Variants in ZBTB46 observed in about 807,000 individuals in gnomAD.
ZBTB46 encodes the protein zinc finger and BTB domain-containing protein 46.
ZBTB46 carries 8 observed loss-of-function variants against 44.1 expected under a neutral mutation model. The observed-to-expected ratio is 0.18, with a 90% CI of 0.11 to 0.33. ZBTB46 has a LOEUF of 0.33. Among genes scored for constraint, ZBTB46 ranks in the 10% least tolerant of loss-of-function variants. The pLI is 1.00. For missense variants in ZBTB46, 651 were observed against 847.7 expected (o/e 0.77, Z 2.88); for synonymous variants, 409 against 382.3 (o/e 1.07, Z -0.81).
chr20:63,833,160 A>C (rs1445476331), upstream of ZBTB46, among the ~76,000 whole-genome samples: 1 of 152,174 alleles, frequency 6.6e-6, no homozygotes, highest in African/African-American at 2.4e-5. Context: ...AGGGATGGAG[A>C]GCAGCAGCAG....
intron 1 of ZBTB46, among the ~76,000 whole-genome samples, chr20:63,817,177 G>A (rs1253403227): frequency 6.6e-6 from 1 of 152,032 alleles, no homozygotes; most frequent in Admixed American, 6.6e-5. Context: ...CCCAACTCTT[G>A]GGGAGGCAGA....
At chr20:63,829,106 C>T (rs1309399806) in intron 1 of ZBTB46, among the ~76,000 whole-genome samples, 1 of 152,224 alleles carries the variant, frequency 6.6e-6, no homozygotes, top group Non-Finnish European at 1.5e-5. Flanking sequence ...GCAGTTTCAC[C>T]GTTCACAGGG....
rs766676908 is a variant in ZBTB46 at position 63,829,407 on chromosome 20, C to CTGAA, written c.-34+1686_-34+1689dup. ...ATTAAATGCTTGTCCCCAGGCTGGC[C>CTGAA]TGAAGGCAAGGCGGAATTTCGGATT... On this transcript the variant is annotated intron_variant, in intron 1 of 4. Coordinates refer to ENST00000245663, the MANE Select transcript of ZBTB46 (RefSeq NM_001369741.1). Among the ~76,000 whole-genome samples, 72 of 152,384 alleles carry CTGAA rather than the reference C, an allele frequency of 4.7e-4. No homozygotes were observed. In the East Asian group the frequency reaches 9.0e-3, roughly 19 times the overall value.
chr20:63,807,426 C>T (rs1205512378), intron 1 of ZBTB46, among the ~76,000 whole-genome samples: 3 of 152,206 alleles, frequency 2.0e-5, no homozygotes, highest in African/African-American at 7.2e-5. Flanking sequence ...CTCACTGCAA[C>T]TTCTACCTCC....
intron 1 of ZBTB46, among the ~76,000 whole-genome samples, chr20:63,791,985 C>G (rs1029996831): frequency 6.6e-6 from 1 of 152,192 alleles, no homozygotes; most frequent in South Asian, 2.1e-4. Flanking sequence ...AGCCCCTCCC[C>G]CAGCCGGCGT....
At position 63,790,185 on chromosome 20, in the gene ZBTB46, G is replaced by T. The variant is rs201041138; in HGVS notation, c.573C>A (p.Asp191Glu). ...SGDSAIASCH[D>E]GGSSYGKEDQ... ...CCTCTTTCCCGTAGCTGCTCCCTCC[G>T]TCGTGACAGCTGGCGATGGCCGAGT... Residue 191 changes from aspartate (D) to glutamate (E), a missense_variant, in exon 2 of 5, where the codon GAC becomes GAA. Transcript: ENST00000245663. The T allele has an allele frequency of 6.2e-7, 1 of 1,613,522 alleles. No homozygotes were observed.
chr20:63,766,845 G>A (rs1332893558), intron 3 of ZBTB46, among the ~76,000 whole-genome samples: 1 of 152,226 alleles, frequency 6.6e-6, no homozygotes, highest in African/African-American at 2.4e-5. Flanking sequence ...AAGGGGATGG[G>A]CTGTTGGGCA....
chr20:63,813,686 A>C (rs2092730810), intron 1 of ZBTB46, among the ~76,000 whole-genome samples: 1 of 152,140 alleles, frequency 6.6e-6, no homozygotes, highest in Non-Finnish European at 1.5e-5. Flanking sequence ...CCTTCAGCAA[A>C]TAAGTAGCAT....
At chr20:63,818,017 C>G (rs2092769918) in intron 1 of ZBTB46, among the ~76,000 whole-genome samples, 1 of 152,220 alleles carries the variant, frequency 6.6e-6, no homozygotes, top group African/African-American at 2.4e-5. Context: ...CCCAGGAACT[C>G]GCCCAAACAG....
Position 63,767,435 on chromosome 20 carries a change from C to G in ZBTB46, c.1222+8243G>C, listed in dbSNP as rs2092329735. On this transcript the variant is annotated intron_variant, in intron 3 of 4. Coordinates refer to ENST00000245663, the MANE Select transcript of ZBTB46 (RefSeq NM_001369741.1). This position sits in a 1 kb window ranked among gnomAD's most constrained non-coding sequence, Gnocchi z 5.0. ...CGGCAGAGGACTCGAGAAATGACCA[C>G]AGAAAGGCACACACCGGCTCCCAGT... 6.6e-6 allele frequency among the ~76,000 whole-genome samples: 1 copy of G among 152,090 alleles called. No homozygotes were observed. Among genetic ancestry groups the G allele is most frequent in the Non-Finnish European group, 1.5e-5 (1 of 68,010 alleles).
At chr20:63,770,713 C>G (rs1049166858) in intron 3 of ZBTB46, among the ~76,000 whole-genome samples, 3 of 152,158 alleles carry the variant, frequency 2.0e-5, no homozygotes, top group African/African-American at 2.4e-5. Context: ...TTTGTTGAAC[C>G]ACGGCGCATT....
At position 63,746,737 on chromosome 20, in the gene ZBTB46, C is replaced by G; in HGVS notation, c.*193G>C. The stretch of plus-strand genomic sequence containing the variant: ...CCCCAACTCACTTCATGTCTGGTCC[C>G]AGAGCACCCCTCTTGCTGGGGTCGC... On this transcript the variant is annotated 3_prime_UTR_variant, in exon 5 of 5. Coordinates refer to ENST00000245663, the MANE Select transcript of ZBTB46 (RefSeq NM_001369741.1). 1.2e-6 allele frequency: 1 copy of G among 863,774 alleles called. No individual in the cohort carries two copies. Among genetic ancestry groups the G allele is most frequent in the Non-Finnish European group, 1.7e-6 (1 of 604,752 alleles). The allele number at this position is 863,774 out of a possible 1,614,324, so 53.5% of individuals were successfully genotyped here. A position where few individuals can be genotyped will look rare whatever the true frequency, so the allele number is the denominator to read the frequency against.
intron 2 of ZBTB46, 116 bp downstream of exon 2, chr20:63,789,705 C>A: frequency 6.7e-7 from 1 of 1,484,704 alleles, no homozygotes. Context: ...GAGGAAGTGA[C>A]CCTAGAAAGC....
intron 2 of ZBTB46, among the ~76,000 whole-genome samples, chr20:63,778,700 A>G (rs925326455): frequency 6.6e-6 from 1 of 152,158 alleles, no homozygotes; most frequent in Non-Finnish European, 1.5e-5. Flanking sequence ...TCTAAGGGAT[A>G]TGTTTCCAAA....
intron 4 of ZBTB46, among the ~76,000 whole-genome samples, chr20:63,751,438 G>A (rs1366192182): frequency 6.6e-6 from 1 of 152,138 alleles, no homozygotes; most frequent in African/African-American, 2.4e-5. Flanking sequence ...CGAGGGCCTG[G>A]AGTGGCCCTT....
intron 1 of ZBTB46, among the ~76,000 whole-genome samples, chr20:63,794,056 A>T (rs1252566778): frequency 1.3e-5 from 2 of 151,888 alleles, no homozygotes; most frequent in Non-Finnish European, 2.9e-5. Flanking sequence ...CGTGATGGCG[A>T]GTGCCTGTAG....
At position 63,774,504 on chromosome 20, in the gene ZBTB46, G is replaced by A. The variant is rs533787830; in HGVS notation, c.1222+1174C>T. 2.6e-5 allele frequency among the ~76,000 whole-genome samples: 4 copies of A among 152,182 alleles called. No homozygotes were observed. In the East Asian group the frequency reaches 7.8e-4, roughly 30 times the overall value. ...CTCAGCACGCCTGGACCCCAGCCGC[G>A]GAGGTGGGGGCATCTCATGCCGGAC... On this transcript the variant is annotated intron_variant, in intron 3 of 4. Transcript: ENST00000245663.
At chr20:63,816,423 C>G (rs1459728166) in intron 1 of ZBTB46, 1 of 163,876 alleles carries the variant, frequency 6.1e-6, no homozygotes. Context: ...GACTCCATGA[C>G]CTGCTGTGTA....
chr20:63,756,246 A>G (rs921017212), intron 3 of ZBTB46, among the ~76,000 whole-genome samples: 1 of 152,254 alleles, frequency 6.6e-6, no homozygotes, highest in African/African-American at 2.4e-5. Flanking sequence ...GGAACATTCC[A>G]GAACCTTTTC....
Sources: gnomAD v4.1 joint callset for allele counts (sites outside exome capture counted in the v4.1 genomes callset) on GRCh38, gnomAD v4.1.1 for gene constraint, Gnocchi (gnomAD v3.1) non-coding constraint, MANE v1.5 for transcripts, NCBI Gene and HGNC (gene_info 2026-07-23, HGNC 2026-07-21) for gene names.